The following LTO1 variants were observed in gnomAD, a reference collection of about 807,000 sequenced individuals.
LTO1 encodes LTO1 maturation factor of ABCE1.
LTO1 carries 18 observed loss-of-function variants against 19.8 expected under a neutral mutation model. The observed-to-expected ratio is 0.91, with a 90% CI of 0.63 to 1.35. The LOEUF (loss-of-function observed/expected upper bound fraction) is 1.35, where lower values mean the gene tolerates loss of function less well. LTO1 is among the 40% of genes most tolerant of loss of function. The pLI, the probability that LTO1 is intolerant of heterozygous loss-of-function variation, is 0.00. For synonymous variants in LTO1, 59 were observed against 59.6 expected (o/e 0.99, Z 0.05); for missense variants, 175 against 167.9 (o/e 1.04, Z -0.23).
intron 1 of LTO1, among the ~76,000 whole-genome samples, chr11:69,673,763 C>G (rs568090980): frequency 2.7e-4 from 40 of 146,764 alleles, no homozygotes; most frequent in African/African-American, 9.5e-4. Context: ...TCACAGCTCA[C>G]TATAGCCTCA....
chr11:69,667,516 TC>T lies in LTO1; in HGVS notation c.*2del. 1 of 1,593,370 alleles carries T rather than the reference TC, an allele frequency of 6.3e-7. No individual in the cohort carries two copies. Among genetic ancestry groups the T allele is most frequent in the Non-Finnish European group, 8.6e-7 (1 of 1,161,032 alleles). ...ACGTTCGGTCTCTGTTCATCCATCC[TC>T]CTCAAAATGAAAGTCCGGAACCTTC... On this transcript the variant is annotated 3_prime_UTR_variant, in exon 5 of 5. Coordinates refer to ENST00000279147, the MANE Select transcript of LTO1 (RefSeq NM_153451.3).
Position 69,675,306 on chromosome 11 carries a change from A to G in LTO1, c.-67T>C. On this transcript the variant is annotated 5_prime_UTR_variant, in exon 1 of 5. Coordinates refer to ENST00000279147, the MANE Select transcript of LTO1 (RefSeq NM_153451.3). ...CCCGCGGTGCCGTAGCAGACCCGGC[A>G]GCTTCAGGCACAAATGCTCCGCTTG... The G allele has an allele frequency of 1.6e-6, 2 of 1,267,046 alleles. No individual in the cohort carries two copies. Among genetic ancestry groups the G allele is most frequent in the Non-Finnish European group, 2.1e-6 (2 of 937,768 alleles). The allele number at this position is 1,267,046 out of a possible 1,614,324, so 78.5% of individuals were successfully genotyped here.
Position 69,671,833 on chromosome 11 carries a change from A to G in LTO1, c.157-14T>C. On this transcript the variant is annotated splice_polypyrimidine_tract_variant and intron_variant, in intron 2 of 4. Coordinates refer to ENST00000279147, the MANE Select transcript of LTO1 (RefSeq NM_153451.3). ...GTAGCACCCGATCTGTGAATGTGAA[A>G]AATATTTAAGAGTGAAATTAATAAG... 2 of 1,520,218 alleles carry G rather than the reference A, an allele frequency of 1.3e-6. No individual in the cohort carries two copies. The highest frequency in any genetic ancestry group is 2.2e-5 in the South Asian group (2 of 89,140). The allele number at this position is 1,520,218 out of a possible 1,614,324, so 94.2% of individuals were successfully genotyped here.
intron 3 of LTO1, among the ~76,000 whole-genome samples, chr11:69,670,320 G>A (rs1310743031): frequency 6.6e-6 from 1 of 152,268 alleles, no homozygotes; most frequent in South Asian, 2.1e-4. Flanking sequence ...AGATTCTGCC[G>A]CTGTGGGAGA....
In LTO1 at chr11:69,671,990, C is replaced by G. The variant is rs1565079729; in HGVS notation, c.157-171G>C. ...AATGGAAATTAGGAAATTAGGTCAT[C>G]GGTGGGGCAGCCAGCCTCCCAGATG... is the stretch of plus-strand genomic sequence containing the variant. On this transcript the variant is annotated intron_variant, in intron 2 of 4. Transcript: ENST00000279147. The G allele has an allele frequency of 1.4e-5, 8 of 588,320 alleles. No homozygotes were observed. The East Asian group carries it at 2.4e-4, about 18-fold the overall frequency. 36.4% of individuals were successfully genotyped at this position (588,320 alleles called of 1,614,324 possible). A position where few individuals can be genotyped will look rare whatever the true frequency, so the allele number is the denominator to read the frequency against.
intron 3 of LTO1, 91 bp downstream of exon 3, chr11:69,671,658 G>C: frequency 1.3e-6 from 1 of 770,556 alleles, no homozygotes; most frequent in Non-Finnish European, 2.4e-6. Context: ...ATGAGGAACA[G>C]ACAGATTGAT....
At chr11:69,673,070 T>G in intron 2 of LTO1, 146 bp downstream of exon 2, 1 of 699,468 alleles carries the variant, frequency 1.4e-6, no homozygotes, top group South Asian at 1.5e-5. Context: ...CCCAAAGTGC[T>G]GGGATTACAG....
rs551450229 is a variant in LTO1, at chr11:69,669,382, C to T, written c.228-1370G>A. Among the ~76,000 whole-genome samples the T allele has an allele frequency of 3.0e-3, 462 of 152,290 alleles. 4 individuals are homozygous for T. The highest frequency in any genetic ancestry group is 0.011 in the African/African-American group (442 of 41,556). ...CCTGTGTACTTGCAAACAGCTGGTG[C>T]TCCTGGATACAGAGAAGAGCAAGTT... is the stretch of plus-strand genomic sequence containing the variant. On this transcript the variant is annotated intron_variant, in intron 3 of 4. Transcript: ENST00000279147.
intron 4 of LTO1, 80 bp from the exon 5 acceptor site, chr11:69,667,667 T>C (rs533145499): frequency 1.2e-5 from 12 of 1,029,496 alleles, no homozygotes; most frequent in Admixed American, 5.3e-5. Context: ...TCTCTAGCTA[T>C]AGCTTTTCCT....
chr11:69,669,884 G>C (rs1856084605), intron 3 of LTO1, among the ~76,000 whole-genome samples: 1 of 152,152 alleles, frequency 6.6e-6, no homozygotes. Flanking sequence ...TGGTTTCTTT[G>C]GTGTTACAAT....
intron 3 of LTO1, among the ~76,000 whole-genome samples, chr11:69,670,179 G>A (rs774873438): frequency 5.9e-5 from 9 of 152,152 alleles, no homozygotes; most frequent in Non-Finnish European, 1.0e-4. Flanking sequence ...CAACCAAAGC[G>A]GTTCTTCTCT....
chr11:69,667,535 G>A lies in LTO1; in HGVS notation c.398C>T (p.Ser133Phe). 6.2e-7 allele frequency: 1 copy of A among 1,609,744 alleles called. No individual in the cohort carries two copies. ...QPDFKISAEG[S>F]GLSF is the part of the protein sequence containing the mutation. ...CCATCCTCCTCAAAATGAAAGTCCG[G>A]AACCTTCTGCACTAATTTTAAAGTC... is the stretch of plus-strand genomic sequence containing the variant. The change falls in exon 5 of 5, where the codon TCC becomes TTC. Residue 133 changes from serine to phenylalanine, a missense_variant. Ser to Phe is a radical substitution (Grantham distance 155, BLOSUM62 -2). Transcript: ENST00000279147.
rs1384148613 is a variant in LTO1 at position 69,666,240 on chromosome 11, TGCAGCCGGCAGCTTAG to T, written c.*1263_*1278del. Reference sequence around the variant, plus strand: ...CCGCGGGGGTCACTTCTCTGGCTCCTGCAGCCGGCAGCTTAGGCAGCACAACACAATCCACTAGGAC... The same window carrying T: ...CCGCGGGGGTCACTTCTCTGGCTCCTGCAGCACAACACAATCCACTAGGAC... On this transcript the variant is annotated 3_prime_UTR_variant, in exon 5 of 5. Transcript: ENST00000279147. 1 of 152,274 alleles carries T rather than the reference TGCAGCCGGCAGCTTAG, an allele frequency of 6.6e-6. No individual in the cohort carries two copies. Among genetic ancestry groups the T allele is most frequent in the Non-Finnish European group, 1.5e-5 (1 of 68,064 alleles). 9.4% of individuals were successfully genotyped at this position (152,274 alleles called of 1,614,324 possible).
intron 2 of LTO1, chr11:69,672,781 C>G (rs944046686): frequency 6.4e-6 from 2 of 310,232 alleles, no homozygotes; most frequent in African/African-American, 4.3e-5. Flanking sequence ...TCCATTAACT[C>G]CCATGCAAAG....
chr11:69,675,189 C>T lies in LTO1; in HGVS notation c.50+1G>A. 6.4e-7 allele frequency: 1 copy of T among 1,568,790 alleles called. No homozygotes were observed. Among genetic ancestry groups the T allele is most frequent in the Non-Finnish European group, 8.6e-7 (1 of 1,163,540 alleles). On this transcript the variant is annotated splice_donor_variant, in intron 1 of 4. Coordinates refer to ENST00000279147, the MANE Select transcript of LTO1 (RefSeq NM_153451.3). LOFTEE classifies it high-confidence loss of function. The stretch of plus-strand genomic sequence containing the variant: ...GGTGCGGGCCCGGCCTCACCACCCA[C>T]CTCTCATCCGCCATCACGATGGCAT...
At chr11:69,668,794 G>A (rs1277979968) in intron 3 of LTO1, among the ~76,000 whole-genome samples, 3 of 152,062 alleles carry the variant, frequency 2.0e-5, no homozygotes, top group South Asian at 2.1e-4. Flanking sequence ...TTGGGAGGCC[G>A]AGGAGGGTGG....
intron 2 of LTO1, chr11:69,672,655 G>A (rs1565079920): frequency 5.6e-6 from 1 of 178,718 alleles, no homozygotes; most frequent in Non-Finnish European, 1.2e-5. Context: ...GTAAACTAAG[G>A]AGACCAGGGA....
intron 3 of LTO1, among the ~76,000 whole-genome samples, chr11:69,670,577 A>G (rs1209786203): frequency 1.3e-5 from 2 of 152,268 alleles, no homozygotes; most frequent in Non-Finnish European, 1.5e-5. Flanking sequence ...TACCCGTATC[A>G]GTTGCAAGCA....
chr11:69,667,514 C>T lies in LTO1; in HGVS notation c.*5G>A. 2.5e-6 allele frequency: 4 copies of T among 1,591,070 alleles called. No individual in the cohort carries two copies. In the East Asian group the frequency reaches 8.9e-5, roughly 36 times the overall value. ...CGACGTTCGGTCTCTGTTCATCCAT[C>T]CTCCTCAAAATGAAAGTCCGGAACC... On this transcript the variant is annotated 3_prime_UTR_variant, in exon 5 of 5. Transcript: ENST00000279147.
Sources: gnomAD v4.1 joint callset for allele counts (sites outside exome capture counted in the v4.1 genomes callset) on GRCh38, gnomAD v4.1.1 for gene constraint, MANE v1.5 for transcripts, NCBI Gene and HGNC (gene_info 2026-07-23, HGNC 2026-07-21) for gene names.